Variants in PRKCH observed in about 807,000 individuals in gnomAD.
PRKCH encodes the protein protein kinase C eta.
PRKCH carries 28 observed loss-of-function variants against 82.5 expected under a neutral mutation model. The observed-to-expected ratio is 0.34, with a 90% CI of 0.25 to 0.47. The LOEUF is 0.47. Among genes scored for constraint, PRKCH ranks in the 20% least tolerant of loss-of-function variants. The pLI is 1.00. For missense variants in PRKCH, 705 were observed against 881.8 expected (o/e 0.80, Z 2.54); for synonymous variants, 322 against 327.4 (o/e 0.98, Z 0.18).
chr14:61,538,724 C>T (rs1306925534), intron 12 of PRKCH, among the ~76,000 whole-genome samples: 1 of 152,166 alleles, frequency 6.6e-6, no homozygotes. Flanking sequence ...TAGAAAAACT[C>T]TTGTCAACAA....
chr14:61,506,387 G>A (rs2139963180), intron 10 of PRKCH, among the ~76,000 whole-genome samples: 2 of 152,198 alleles, frequency 1.3e-5, no homozygotes, highest in South Asian at 2.1e-4. Flanking sequence ...GTGAGTCCCA[G>A]CTCTGATTGA....
At chr14:61,470,972 T>C (rs74498098) in intron 9 of PRKCH, among the ~76,000 whole-genome samples, 3,679 of 151,690 alleles carry the variant, frequency 0.024, 152 homozygotes, top group African/African-American at 0.084. Context: ...ACTCCACGGT[T>C]TTCTCTGAGG....
At chr14:61,239,182 C>T (rs2044814364) in intron 1 of PRKCH, among the ~76,000 whole-genome samples, 1 of 152,208 alleles carries the variant, frequency 6.6e-6, no homozygotes, top group Non-Finnish European at 1.5e-5. Flanking sequence ...CCCAAACATA[C>T]TCTTCCACCC....
In PRKCH at chr14:61,506,839, T is replaced by C. The variant is rs17098610; in HGVS notation, c.1433+21183T>C. On this transcript the variant is annotated intron_variant, in intron 10 of 13. Coordinates refer to ENST00000332981, the MANE Select transcript of PRKCH (RefSeq NM_006255.5). Reference sequence around the variant, plus strand: ...TCAAATGGAATGACCACAGACTGTTTTCTTTGAAGGTGAATGCACATGTCT... The same window carrying C: ...TCAAATGGAATGACCACAGACTGTTCTCTTTGAAGGTGAATGCACATGTCT... 0.017 allele frequency among the ~76,000 whole-genome samples: 2,569 copies of C among 152,268 alleles called. 129 individuals carry two copies. The East Asian group carries it at 0.21, about 13-fold the overall frequency.
At chr14:61,346,511 C>T (rs1023654839) in intron 1 of PRKCH, among the ~76,000 whole-genome samples, 1 of 152,196 alleles carries the variant, frequency 6.6e-6, no homozygotes, top group Admixed American at 6.5e-5. Context: ...TCAAAATTAA[C>T]TGTTATTTTG....
chr14:61,377,919 TC>T (rs1479714560), intron 1 of PRKCH, among the ~76,000 whole-genome samples: 1 of 152,202 alleles, frequency 6.6e-6, no homozygotes, highest in Non-Finnish European at 1.5e-5. Flanking sequence ...ATCAAAAACC[TC>T]TAGTGGCTCC....
At chr14:61,213,179 G>A (rs1486279058) in intron 1 of PRKCH, among the ~76,000 whole-genome samples, 1 of 152,146 alleles carries the variant, frequency 6.6e-6, no homozygotes, top group Non-Finnish European at 1.5e-5. Flanking sequence ...AATTTTGGAT[G>A]TGCGTGTTTG....
chr14:61,364,427 C>T (rs2046272031), intron 1 of PRKCH, among the ~76,000 whole-genome samples: 1 of 151,954 alleles, frequency 6.6e-6, no homozygotes, highest in South Asian at 2.1e-4. Flanking sequence ...GCTCCCCAGC[C>T]TGTGTGTCAG....
chr14:61,543,179 A>G (rs899430158), intron 12 of PRKCH, among the ~76,000 whole-genome samples: 2 of 152,200 alleles, frequency 1.3e-5, no homozygotes, highest in African/African-American at 2.4e-5. Context: ...GGACATTCCT[A>G]TACAAACTTG....
intron 12 of PRKCH, among the ~76,000 whole-genome samples, chr14:61,538,203 T>C (rs1262809729): frequency 1.3e-5 from 2 of 152,196 alleles, no homozygotes; most frequent in African/African-American, 4.8e-5. Flanking sequence ...CAAAGAAAGT[T>C]ATCAAAAGAT....
intron 2 of PRKCH, among the ~76,000 whole-genome samples, chr14:61,422,440 G>A (rs774815409): frequency 6.6e-6 from 1 of 152,160 alleles, no homozygotes; most frequent in African/African-American, 2.4e-5. Context: ...TTGCTGCAAA[G>A]CACCTTTCTA....
chr14:61,524,568 A>G (rs886580351), intron 10 of PRKCH, among the ~76,000 whole-genome samples: 5 of 152,220 alleles, frequency 3.3e-5, no homozygotes, highest in African/African-American at 1.2e-4. Flanking sequence ...TCCTAAGCCA[A>G]AAACTGACCT....
At chr14:61,512,586 A>G (rs1323806485) in intron 10 of PRKCH, among the ~76,000 whole-genome samples, 1 of 152,166 alleles carries the variant, frequency 6.6e-6, no homozygotes, top group Non-Finnish European at 1.5e-5. Flanking sequence ...GTTTTCCATG[A>G]AATGCCTTTT....
chr14:61,548,813 A>C (rs1288513506), intron 13 of PRKCH, among the ~76,000 whole-genome samples: 1 of 148,686 alleles, frequency 6.7e-6, no homozygotes, highest in Non-Finnish European at 1.5e-5. Context: ...CAGTGAGCCG[A>C]GATTGCGTCA....
intron 7 of PRKCH, among the ~76,000 whole-genome samples, chr14:61,455,554 G>A (rs1297478651): frequency 6.6e-6 from 1 of 152,146 alleles, no homozygotes; most frequent in Admixed American, 6.5e-5. Context: ...AATATTGTGC[G>A]GGGATTGCTA....
At chr14:61,187,767 T>G (rs1471382502) in intron 1 of PRKCH, 1 of 152,262 alleles carries the variant, frequency 6.6e-6, no homozygotes, top group Non-Finnish European at 1.5e-5. Context: ...GAATGGAATG[T>G]GCTACTTTAA....
At chr14:61,196,119 A>C (rs2044440666) in intron 1 of PRKCH, among the ~76,000 whole-genome samples, 2 of 152,178 alleles carry the variant, frequency 1.3e-5, no homozygotes. Context: ...AAAGTCCTTA[A>C]AATAGCCTAT....
chr14:61,227,324 G>C (rs1594861675), intron 1 of PRKCH, among the ~76,000 whole-genome samples: 1 of 152,222 alleles, frequency 6.6e-6, no homozygotes, highest in Non-Finnish European at 1.5e-5. Context: ...GCTGGGCGCG[G>C]TGGCTCACGC....
rs369866364 is a variant in PRKCH, at chr14:61,449,397, TC to T, written c.702+148del. The T allele has an allele frequency of 4.7e-4, 310 of 653,226 alleles. 6 individuals are homozygous for T. In the South Asian group the frequency reaches 5.6e-3, roughly 12 times the overall value. 40.5% of individuals were successfully genotyped at this position (653,226 alleles called of 1,614,324 possible). Reference sequence around the variant, plus strand: ...CCTCTGCTTTCCTCCCCCTGCCACCTCCCTTCCACATTCTTTGAAGCCAAGG... The same window carrying T: ...CCTCTGCTTTCCTCCCCCTGCCACCTCCTTCCACATTCTTTGAAGCCAAGG... On this transcript the variant is annotated intron_variant, in intron 5 of 13. Coordinates refer to ENST00000332981, the MANE Select transcript of PRKCH (RefSeq NM_006255.5).
Sources: allele counts gnomAD v4.1 joint callset (sites outside exome capture counted in the v4.1 genomes callset), GRCh38; gene constraint gnomAD v4.1.1; transcripts MANE v1.5; gene names NCBI Gene and HGNC (gene_info 2026-07-23, HGNC 2026-07-21).